The following MBNL1 variants were observed in gnomAD, a reference collection of about 807,000 sequenced individuals.
MBNL1 encodes the protein muscleblind-like protein 1.
A neutral mutation model predicts 42.2 loss-of-function variants in MBNL1; 8 were observed. That is an observed-to-expected ratio of 0.19 (90% CI 0.11 to 0.34). The LOEUF is 0.34. Among genes scored for constraint, MBNL1 ranks in the 10% least tolerant of loss-of-function variants. MBNL1 has a pLI of 1.00. For missense variants in MBNL1, 309 were observed against 495.3 expected (o/e 0.62, Z 3.57); for synonymous variants, 169 against 173.9 (o/e 0.97, Z 0.22).
rs531695460 is a variant in MBNL1 at position 152,259,836 on chromosome 3, G to C, written n.333+15396G>C. 3.9e-5 allele frequency among the ~76,000 whole-genome samples: 6 copies of C among 152,286 alleles called. No individual in the cohort carries two copies. In the South Asian group the frequency reaches 1.2e-3, roughly 32 times the overall value. On this transcript the variant is annotated intron_variant and non_coding_transcript_variant, in intron 2 of 2. Coordinates refer to the MBNL1 transcript ENST00000477171. ...GTGAAGACTTTCAACTATAATGTGA[G>C]ACATTTGAATTCAATAAAAAAGGGA...
chr3:152,403,630 G>C (rs963204690), intron 2 of MBNL1, among the ~76,000 whole-genome samples: 2 of 152,124 alleles, frequency 1.3e-5, no homozygotes, highest in African/African-American at 4.8e-5. Flanking sequence ...AACTGCCCTA[G>C]AAAACCAGTG....
chr3:152,354,338 C>G (rs1235362144), intron 2 of MBNL1, among the ~76,000 whole-genome samples: 1 of 152,042 alleles, frequency 6.6e-6, no homozygotes, highest in Admixed American at 6.6e-5. Flanking sequence ...GCCTGTGGTC[C>G]CTGCTACGTG....
At position 152,299,843 on chromosome 3, in the gene MBNL1, A is replaced by G. The variant is rs927765588; in HGVS notation, c.-351A>G. 4 of 405,656 alleles carry G rather than the reference A, an allele frequency of 9.9e-6. No individual in the cohort carries two copies. In the South Asian group the frequency reaches 3.4e-4, roughly 34 times the overall value. The allele number at this position is 405,656 out of a possible 1,614,324, so 25.1% of individuals were successfully genotyped here. A position where few individuals can be genotyped will look rare whatever the true frequency, so the allele number is the denominator to read the frequency against. On this transcript the variant is annotated 5_prime_UTR_variant, in exon 2 of 10. The change abolishes an upstream ATG in the 5' untranslated region. Coordinates refer to ENST00000324210, the MANE Select transcript of MBNL1 (RefSeq NM_021038.5). Reference sequence around the variant, plus strand: ...GTGTCGAAGGGTCTGCCACGTTTTCATGCTTGCATTTTGGGCTCCAAATTG... The same window carrying G: ...GTGTCGAAGGGTCTGCCACGTTTTCGTGCTTGCATTTTGGGCTCCAAATTG...
At chr3:152,395,261 G>C (rs2097881936) in intron 2 of MBNL1, among the ~76,000 whole-genome samples, 1 of 152,158 alleles carries the variant, frequency 6.6e-6, no homozygotes, top group African/African-American at 2.4e-5. Context: ...AGATTTTGTA[G>C]CAGACATGTT....
At chr3:152,451,797 G>T (rs1394888973) in intron 6 of MBNL1, among the ~76,000 whole-genome samples, 1 of 152,188 alleles carries the variant, frequency 6.6e-6, no homozygotes, top group East Asian at 1.9e-4. Flanking sequence ...CTGCTGCACT[G>T]AGTGCTTTGC....
intron 2 of MBNL1, among the ~76,000 whole-genome samples, chr3:152,358,133 CA>C (rs1191790248): frequency 1.3e-5 from 2 of 152,142 alleles, no homozygotes; most frequent in Non-Finnish European, 2.9e-5. Context: ...CACACTACAT[CA>C]GTGAGGACAG....
chr3:152,353,094 T>C lies in MBNL1; in HGVS notation c.174+52727T>C, dbSNP rs568964871. On this transcript the variant is annotated intron_variant, in intron 2 of 9. Transcript: ENST00000324210. ...CAGATATAATTTTTTGTCTTTTATA[T>C]GAGAGTACAAAAGTCAGAGTACTCT... 2.1e-4 allele frequency among the ~76,000 whole-genome samples: 32 copies of C among 152,364 alleles called. No individual in the cohort carries two copies. In the South Asian group the frequency reaches 6.6e-3, roughly 32 times the overall value.
intron 2 of MBNL1, among the ~76,000 whole-genome samples, chr3:152,366,194 C>T (rs1469279114): frequency 4.0e-5 from 6 of 151,848 alleles, no homozygotes; most frequent in African/African-American, 9.7e-5. Context: ...AATCATAGCC[C>T]GAGGGTTTGT....
chr3:152,314,386 T>C (rs1186866568), intron 2 of MBNL1, among the ~76,000 whole-genome samples: 2 of 151,968 alleles, frequency 1.3e-5, no homozygotes, highest in South Asian at 4.2e-4. Context: ...CTTTTTTTTT[T>C]TTTTTGAGGT....
chr3:152,296,340 T>A (rs2058521478), intron 1 of MBNL1, among the ~76,000 whole-genome samples: 2 of 152,060 alleles, frequency 1.3e-5, no homozygotes, highest in South Asian at 4.1e-4. Flanking sequence ...TGAGAATGAC[T>A]GAGTCAAGGT....
intron 2 of MBNL1, among the ~76,000 whole-genome samples, chr3:152,318,804 A>G (rs1252076694): frequency 6.6e-6 from 1 of 152,138 alleles, no homozygotes; most frequent in Non-Finnish European, 1.5e-5. Context: ...AACAGAAGTA[A>G]AATCAATCCA....
intron 2 of MBNL1, among the ~76,000 whole-genome samples, chr3:152,256,690 G>T (rs946026578): frequency 2.0e-5 from 3 of 152,124 alleles, no homozygotes; most frequent in African/African-American, 7.2e-5. Flanking sequence ...CTGTGATTTG[G>T]AGAAAGAATA....
chr3:152,278,135 GTAT>G (rs1318662896), intron 1 of MBNL1, among the ~76,000 whole-genome samples: 1 of 152,042 alleles, frequency 6.6e-6, no homozygotes, highest in Non-Finnish European at 1.5e-5. Context: ...AGATTAAGTA[GTAT>G]TGGATATTCT....
chr3:152,445,359 A>G lies in MBNL1; in HGVS notation c.627A>G (p.Thr209=). 1 of 1,614,100 alleles carries G rather than the reference A, an allele frequency of 6.2e-7. No individual in the cohort carries two copies. Among genetic ancestry groups the G allele is most frequent in the Non-Finnish European group, 8.5e-7 (1 of 1,179,964 alleles). The change falls in exon 5 of 10, where the codon ACA becomes ACG. Residue 209 remains threonine (T), a synonymous_variant. Transcript: ENST00000324210. ...DCRFAHPADS[T]MIDTNDNTVT... ...GGTTTGCTCATCCTGCTGACAGCAC[A>G]ATGATTGACACCAATGACAACACAG... is the stretch of plus-strand genomic sequence containing the variant.
At chr3:152,372,796 C>G (rs764800154) in intron 2 of MBNL1, among the ~76,000 whole-genome samples, 6 of 152,210 alleles carry the variant, frequency 3.9e-5, no homozygotes, top group Non-Finnish European at 8.8e-5. Context: ...CTTGAGGAGG[C>G]AGTCTGTCCC....
At chr3:152,456,134 C>G in intron 7 of MBNL1, 133 bp from the exon 8 acceptor site, 1 of 666,206 alleles carries the variant, frequency 1.5e-6, no homozygotes. Flanking sequence ...ATGTCACTCG[C>G]TGGTGATGAT....
chr3:152,283,868 C>T (rs1345082955), intron 1 of MBNL1, among the ~76,000 whole-genome samples: 1 of 152,196 alleles, frequency 6.6e-6, no homozygotes, highest in Non-Finnish European at 1.5e-5. Context: ...CCAAATGAAA[C>T]TTGTCCTTCC....
intron 2 of MBNL1, among the ~76,000 whole-genome samples, chr3:152,360,318 G>A (rs1304669988): frequency 1.3e-5 from 2 of 151,950 alleles, no homozygotes; most frequent in Admixed American, 1.3e-4. Flanking sequence ...CCAAACCTTC[G>A]TGGTTAAGAT....
intron 2 of MBNL1, among the ~76,000 whole-genome samples, chr3:152,395,782 GATT>G (rs1157145522): frequency 6.6e-5 from 10 of 152,206 alleles, no homozygotes; most frequent in African/African-American, 1.9e-4. Flanking sequence ...ACCCCAAACA[GATT>G]GCTTTAGCCA....
Sources: gnomAD v4.1 joint callset for allele counts (sites outside exome capture counted in the v4.1 genomes callset) on GRCh38, gnomAD v4.1.1 for gene constraint, MANE v1.5 for transcripts, NCBI Gene and HGNC (gene_info 2026-07-23, HGNC 2026-07-21) for gene names.